The following MARCHF11 variants were observed in gnomAD, a reference collection of about 807,000 sequenced individuals.
MARCHF11 encodes the protein membrane associated ring-CH-type finger 11, also known as E3 ubiquitin-protein ligase MARCHF11.
Under a neutral mutation model 37.3 loss-of-function variants are expected in MARCHF11, and 29 were observed. The observed-to-expected ratio is 0.78, with a 90% CI of 0.58 to 1.06. The LOEUF (loss-of-function observed/expected upper bound fraction) is 1.06, where lower values mean the gene tolerates loss of function less well. MARCHF11 is among the 50% of genes least tolerant of loss of function. The pLI, the probability that MARCHF11 is intolerant of heterozygous loss-of-function variation, is 0.00. For synonymous variants in MARCHF11, 233 were observed against 228.0 expected (o/e 1.02, Z -0.20); for missense variants, 482 against 533.4 (o/e 0.90, Z 0.95).
At chr5:16,076,842 C>T (rs774201836) in intron 3 of MARCHF11, among the ~76,000 whole-genome samples, 6 of 152,282 alleles carry the variant, frequency 3.9e-5, no homozygotes, top group Non-Finnish European at 8.8e-5. Context: ...GAGCCATCCT[C>T]GGCCAAAGCC....
chr5:16,098,668 T>C (rs1470875963), intron 2 of MARCHF11, among the ~76,000 whole-genome samples: 2 of 151,614 alleles, frequency 1.3e-5, no homozygotes, highest in African/African-American at 4.9e-5. Context: ...CTCAGGAGGC[T>C]GAGGCAGGAG....
In MARCHF11 at chr5:16,116,836, C is replaced by T. The variant is rs540143743; in HGVS notation, c.694-25755G>A. On this transcript the variant is annotated intron_variant, in intron 2 of 3. Coordinates refer to ENST00000332432, the MANE Select transcript of MARCHF11 (RefSeq NM_001102562.3). ...GCATCTTTATAATAGAAGTTGCTTT[C>T]TCTGAAACAGTCCCTCCATCCCATG... Among the ~76,000 whole-genome samples, 59 of 152,288 alleles carry T rather than the reference C, an allele frequency of 3.9e-4. 2 individuals carry two copies. In the South Asian group the frequency reaches 0.012, roughly 30 times the overall value.
chr5:16,129,042 A>G (rs1737467643), intron 2 of MARCHF11: 1 of 152,152 alleles, frequency 6.6e-6, no homozygotes, highest in African/African-American at 2.4e-5. Context: ...AGTCCCACTA[A>G]CCCTTGATTA....
chr5:16,125,435 T>C (rs1737387101), intron 2 of MARCHF11, among the ~76,000 whole-genome samples: 2 of 152,096 alleles, frequency 1.3e-5, no homozygotes. Flanking sequence ...GTCCCCAAAA[T>C]GGCCCCCTGC....
At chr5:16,119,954 C>T (rs565815285) in intron 2 of MARCHF11, among the ~76,000 whole-genome samples, 8 of 152,336 alleles carry the variant, frequency 5.3e-5, no homozygotes, top group African/African-American at 1.9e-4. Flanking sequence ...TATGTCTGTA[C>T]ATATGCCGCT....
chr5:16,109,289 A>G (rs2126569103), intron 2 of MARCHF11, among the ~76,000 whole-genome samples: 1 of 152,302 alleles, frequency 6.6e-6, no homozygotes, highest in Middle Eastern at 3.4e-3. Context: ...AACCAACCTC[A>G]TGATTACAGG....
At chr5:16,161,715 C>T (rs981029495) in intron 2 of MARCHF11, among the ~76,000 whole-genome samples, 7 of 151,828 alleles carry the variant, frequency 4.6e-5, no homozygotes, top group African/African-American at 1.7e-4. Context: ...TGTGTAGCTC[C>T]AGGAGCAACA....
chr5:16,092,086 T>C (rs1736798600), intron 2 of MARCHF11, among the ~76,000 whole-genome samples: 1 of 152,186 alleles, frequency 6.6e-6, no homozygotes, highest in Non-Finnish European at 1.5e-5. Context: ...CCAGTGTCCA[T>C]CGGATCAGTC....
At chr5:16,119,089 G>A (rs111839348) in intron 2 of MARCHF11, among the ~76,000 whole-genome samples, 4,517 of 152,128 alleles carry the variant, frequency 0.03, 236 homozygotes, top group African/African-American at 0.1. Context: ...GTGACAGGGC[G>A]CAGTGGCTAA....
intron 2 of MARCHF11, among the ~76,000 whole-genome samples, chr5:16,164,074 A>G (rs1238768920): frequency 6.6e-6 from 1 of 152,094 alleles, no homozygotes; most frequent in Non-Finnish European, 1.5e-5. Context: ...GCCAGCTTCC[A>G]GAACTGTGAA....
chr5:16,179,010 G>C (rs888050383), intron 1 of MARCHF11, 29 bp downstream of exon 1: 18 of 1,403,454 alleles, frequency 1.3e-5, no homozygotes, highest in Non-Finnish European at 1.6e-5. Context: ...AGCCGCCACC[G>C]GCTGCCTCGG....
At chr5:16,068,137 G>A (rs1224081534) in intron 3 of MARCHF11, among the ~76,000 whole-genome samples, 1 of 152,138 alleles carries the variant, frequency 6.6e-6, no homozygotes, top group Non-Finnish European at 1.5e-5. Context: ...ATTCTTGAGT[G>A]CTCATTGTGT....
chr5:16,100,317 G>A (rs1736934479), intron 2 of MARCHF11, among the ~76,000 whole-genome samples: 2 of 152,126 alleles, frequency 1.3e-5, no homozygotes, highest in South Asian at 2.1e-4. Context: ...TTAACTCCAG[G>A]ACCAGAAGAA....
chr5:16,105,515 A>G (rs1207937623), intron 2 of MARCHF11, among the ~76,000 whole-genome samples: 1 of 152,148 alleles, frequency 6.6e-6, no homozygotes, highest in Non-Finnish European at 1.5e-5. Context: ...GCAATCATTC[A>G]TATTTTGATT....
chr5:16,088,289 T>C (rs2126554993), intron 3 of MARCHF11, among the ~76,000 whole-genome samples: 3 of 152,310 alleles, frequency 2.0e-5, no homozygotes, highest in Admixed American at 2.0e-4. Context: ...TTCTAATCAC[T>C]TACTTACCTG....
chr5:16,106,747 G>C (rs1207461526), intron 2 of MARCHF11, among the ~76,000 whole-genome samples: 1 of 152,162 alleles, frequency 6.6e-6, no homozygotes, highest in Non-Finnish European at 1.5e-5. Flanking sequence ...GTAGAGGCTA[G>C]GGATGCTGAT....
intron 2 of MARCHF11, among the ~76,000 whole-genome samples, chr5:16,176,067 T>C (rs1028228571): frequency 5.9e-5 from 9 of 151,794 alleles, no homozygotes; most frequent in Admixed American, 2.0e-4. Context: ...CCAATTCTTT[T>C]TGCTATAGGA....
At chr5:16,071,189 T>A (rs577251959) in intron 3 of MARCHF11, among the ~76,000 whole-genome samples, 1 of 152,312 alleles carries the variant, frequency 6.6e-6, no homozygotes, top group South Asian at 2.1e-4. Flanking sequence ...TTCATCTGAG[T>A]CACTAAGCTT....
At chr5:16,136,395 A>G (rs1365439996) in intron 2 of MARCHF11, among the ~76,000 whole-genome samples, 1 of 152,202 alleles carries the variant, frequency 6.6e-6, no homozygotes, top group Non-Finnish European at 1.5e-5. Context: ...TTGAAGGGAA[A>G]CACATAAGCA....
Sources: allele counts gnomAD v4.1 joint callset (sites outside exome capture counted in the v4.1 genomes callset), GRCh38; gene constraint gnomAD v4.1.1; transcripts MANE v1.5; gene names NCBI Gene and HGNC (gene_info 2026-07-23, HGNC 2026-07-21).